TENM2: variants seen among roughly 807,000 people sequenced by gnomAD.
TENM2 encodes teneurin-2.
In TENM2, 52 loss-of-function variants were observed where a neutral mutation model predicts 245.2. That is an observed-to-expected ratio of 0.21 (90% CI 0.17 to 0.27). The LOEUF (loss-of-function observed/expected upper bound fraction) is 0.27. Ranked by LOEUF, TENM2 falls within the 10% of genes least tolerant of loss-of-function variation. The pLI is 1.00. For synonymous variants in TENM2, 1,363 were observed against 1,438.9 expected (o/e 0.95, Z 1.19); for missense variants, 3,046 against 3,666.8 (o/e 0.83, Z 4.37).
At chr5:167,008,465 T>G in the TENM2 span, among the ~76,000 whole-genome samples, 2 of 152,204 alleles carry the variant, frequency 1.3e-5, no homozygotes, top group African/African-American at 2.4e-5. Flanking sequence ...AATTTTTTCT[T>G]AATCTGATGA....
chr5:167,111,936 T>C, the TENM2 span, among the ~76,000 whole-genome samples: 1 of 152,224 alleles, frequency 6.6e-6, no homozygotes, highest in African/African-American at 2.4e-5. Flanking sequence ...TTTACTAATT[T>C]GTTCACTTGG....
At chr5:167,670,529 A>G (rs562223795) in intron 2 of TENM2, among the ~76,000 whole-genome samples, 1 of 151,804 alleles carries the variant, frequency 6.6e-6, no homozygotes, top group East Asian at 1.9e-4. Flanking sequence ...AAAGACCTGT[A>G]TGAGACTCAG....
intron 1 of TENM2, among the ~76,000 whole-genome samples, chr5:167,361,203 A>AT (rs375223619): frequency 2.0e-4 from 31 of 152,246 alleles, no homozygotes; most frequent in African/African-American, 6.5e-4. Context: ...TTTTAAATTG[A>AT]TTTTTTTAAG....
At chr5:167,070,187 G>C in the TENM2 span, among the ~76,000 whole-genome samples, 1,418 of 151,122 alleles carry the variant, frequency 9.4e-3, 21 homozygotes, top group African/African-American at 0.032. Flanking sequence ...GCGCGATCTC[G>C]GCTCACTGCA....
At chr5:167,153,524 G>A in the TENM2 span, among the ~76,000 whole-genome samples, 1 of 151,888 alleles carries the variant, frequency 6.6e-6, no homozygotes, top group African/African-American at 2.4e-5. Flanking sequence ...AGGTGGAAGG[G>A]GAGACACGAG....
At chr5:167,547,914 T>C (rs955713885) in intron 2 of TENM2, among the ~76,000 whole-genome samples, 1 of 152,224 alleles carries the variant, frequency 6.6e-6, no homozygotes, top group Non-Finnish European at 1.5e-5. Flanking sequence ...ATTAAGATCA[T>C]TTACACCAAA....
At chr5:168,053,608 C>G (rs1789296879) in intron 6 of TENM2, among the ~76,000 whole-genome samples, 1 of 152,160 alleles carries the variant, frequency 6.6e-6, no homozygotes, top group Non-Finnish European at 1.5e-5. Flanking sequence ...CAACTATTTA[C>G]ATAGCATCTA....
chr5:167,021,252 GAAGT>G, the TENM2 span, among the ~76,000 whole-genome samples: 3 of 152,312 alleles, frequency 2.0e-5, no homozygotes, highest in South Asian at 6.2e-4. Flanking sequence ...GGGTCGTTAA[GAAGT>G]AAGTAAGAAA....
the TENM2 span, among the ~76,000 whole-genome samples, chr5:167,161,660 T>C: frequency 2.6e-5 from 4 of 152,216 alleles, no homozygotes; most frequent in African/African-American, 7.2e-5. Flanking sequence ...TGGTCTTAAA[T>C]GCTGACATCC....
intron 2 of TENM2, among the ~76,000 whole-genome samples, chr5:167,723,847 C>A (rs1384342422): frequency 6.6e-6 from 1 of 152,112 alleles, no homozygotes; most frequent in African/African-American, 2.4e-5. Flanking sequence ...TTCATGGAGC[C>A]CTTTCTGACA....
the TENM2 span, among the ~76,000 whole-genome samples, chr5:167,217,054 A>T: frequency 2.0e-5 from 3 of 152,220 alleles, no homozygotes; most frequent in Non-Finnish European, 4.4e-5. Context: ...TAATTTGGTC[A>T]TCAAAATGTA....
the TENM2 span, among the ~76,000 whole-genome samples, chr5:167,231,629 A>T: frequency 6.6e-6 from 1 of 152,222 alleles, no homozygotes; most frequent in South Asian, 2.1e-4. Flanking sequence ...ATTCACAAAG[A>T]TAAGGTTTGG....
chr5:167,945,470 A>G (rs545130798), intron 3 of TENM2, among the ~76,000 whole-genome samples: 1 of 152,330 alleles, frequency 6.6e-6, no homozygotes, highest in East Asian at 1.9e-4. Context: ...TAAGTTTTAA[A>G]TAAGATGAAA....
intron 2 of TENM2, among the ~76,000 whole-genome samples, chr5:167,586,629 T>C (rs1201665916): frequency 6.6e-6 from 1 of 152,220 alleles, no homozygotes; most frequent in Non-Finnish European, 1.5e-5. Context: ...GGATAGTTTA[T>C]TATATTTATT....
chr5:167,859,307 C>T (rs1771435117), intron 2 of TENM2, among the ~76,000 whole-genome samples: 3 of 140,850 alleles, frequency 2.1e-5, no homozygotes, highest in African/African-American at 7.8e-5. Flanking sequence ...GGAGCCTCTC[C>T]GCCCGGCAGC....
chr5:167,171,980 C>T, the TENM2 span, among the ~76,000 whole-genome samples: 2 of 152,054 alleles, frequency 1.3e-5, no homozygotes, highest in Non-Finnish European at 2.9e-5. Context: ...GATATTCTAC[C>T]CTGCATGGAT....
At chr5:167,919,311 C>T (rs1009052273) in intron 3 of TENM2, among the ~76,000 whole-genome samples, 1 of 152,164 alleles carries the variant, frequency 6.6e-6, no homozygotes, top group Non-Finnish European at 1.5e-5. Context: ...CTCACCCTCT[C>T]CCCACTGTCT....
chr5:167,765,933 C>G (rs1348908102), intron 2 of TENM2, among the ~76,000 whole-genome samples: 1 of 152,156 alleles, frequency 6.6e-6, no homozygotes, highest in Non-Finnish European at 1.5e-5. Flanking sequence ...TACTGTGTGC[C>G]TGGCATTTTG....
intron 2 of TENM2, among the ~76,000 whole-genome samples, chr5:167,817,664 TA>T (rs1243883169): frequency 6.6e-6 from 1 of 152,062 alleles, no homozygotes; most frequent in Non-Finnish European, 1.5e-5. Context: ...ATATGTTCAG[TA>T]AAAAGTTAAA....
Sources: gnomAD v4.1 joint callset for allele counts (sites outside exome capture counted in the v4.1 genomes callset) on GRCh38, gnomAD v4.1.1 for gene constraint, MANE v1.5 for transcripts, NCBI Gene and HGNC (gene_info 2026-07-23, HGNC 2026-07-21) for gene names.